The following ARHGAP24 variants were observed in gnomAD, a reference collection of about 807,000 sequenced individuals.
The protein encoded by ARHGAP24 is rho GTPase-activating protein 24.
In ARHGAP24, 50 loss-of-function variants were observed where a neutral mutation model predicts 76.4. The observed-to-expected ratio is 0.65, with a 90% CI of 0.52 to 0.83. ARHGAP24 has a LOEUF of 0.83. Among genes scored for constraint, ARHGAP24 ranks in the 40% least tolerant of loss-of-function variants. The pLI, the probability that ARHGAP24 is intolerant of heterozygous loss-of-function variation, is 0.00. For missense variants in ARHGAP24, 930 were observed against 914.2 expected (o/e 1.02, Z -0.22); for synonymous variants, 345 against 323.3 (o/e 1.07, Z -0.72).
At chr4:85,549,407 T>G (rs946800337) in intron 1 of ARHGAP24, among the ~76,000 whole-genome samples, 14 of 151,800 alleles carry the variant, frequency 9.2e-5, no homozygotes, top group African/African-American at 3.1e-4. Flanking sequence ...TGATATCTAA[T>G]GATGCTAGGA....
intron 2 of ARHGAP24, among the ~76,000 whole-genome samples, chr4:85,590,854 T>G (rs1333136740): frequency 1.3e-5 from 2 of 152,078 alleles, no homozygotes; most frequent in Non-Finnish European, 2.9e-5. Context: ...ATAAGGATCT[T>G]CACTTTTTAA....
intron 2 of ARHGAP24, among the ~76,000 whole-genome samples, chr4:85,717,208 A>G (rs938371177): frequency 6.6e-6 from 1 of 152,052 alleles, no homozygotes; most frequent in Non-Finnish European, 1.5e-5. Flanking sequence ...ACTCTTCTAG[A>G]TATAGAGAAA....
intron 3 of ARHGAP24, among the ~76,000 whole-genome samples, chr4:85,832,940 C>G (rs1440448411): frequency 6.6e-6 from 1 of 152,104 alleles, no homozygotes; most frequent in Non-Finnish European, 1.5e-5. Flanking sequence ...GTGGGCCTTT[C>G]TCTGTACCAT....
intron 2 of ARHGAP24, among the ~76,000 whole-genome samples, chr4:85,692,398 C>G (rs1242627759): frequency 6.6e-6 from 1 of 152,154 alleles, no homozygotes; most frequent in Admixed American, 6.5e-5. Context: ...AATTTTTGTG[C>G]ACTATATCCT....
At chr4:85,816,414 C>A (rs1729241428) in intron 3 of ARHGAP24, among the ~76,000 whole-genome samples, 1 of 152,144 alleles carries the variant, frequency 6.6e-6, no homozygotes, top group South Asian at 2.1e-4. Context: ...CTGTGCCTGG[C>A]TTATTTTACT....
At chr4:85,537,824 T>G (rs1725530671) in intron 1 of ARHGAP24, among the ~76,000 whole-genome samples, 1 of 152,220 alleles carries the variant, frequency 6.6e-6, no homozygotes, top group East Asian at 1.9e-4. Context: ...GTCATTCAAA[T>G]GTATTCAGAG....
chr4:85,519,527 A>G (rs117827675), intron 1 of ARHGAP24, among the ~76,000 whole-genome samples: 1,552 of 152,264 alleles, frequency 0.01, 12 homozygotes, highest in East Asian at 0.019. Flanking sequence ...GAGAGCTTGG[A>G]AGTGGGTGAG....
At chr4:85,956,537 C>T (rs1430940554) in intron 5 of ARHGAP24, among the ~76,000 whole-genome samples, 1 of 152,068 alleles carries the variant, frequency 6.6e-6, no homozygotes, top group Non-Finnish European at 1.5e-5. Context: ...CTCACGGATT[C>T]CAAGGAATGG....
At chr4:85,494,162 ATTTC>A (rs942636971) in intron 1 of ARHGAP24, among the ~76,000 whole-genome samples, 10 of 151,290 alleles carry the variant, frequency 6.6e-5, no homozygotes, top group African/African-American at 2.4e-4. Flanking sequence ...TTTTTTCTTT[ATTTC>A]TTCTAAAAAA....
intron 1 of ARHGAP24, among the ~76,000 whole-genome samples, chr4:85,547,975 T>C (rs996288774): frequency 2.6e-5 from 4 of 152,216 alleles, no homozygotes; most frequent in Admixed American, 1.3e-4. Flanking sequence ...ATGTCTCTCA[T>C]TTATTTATTT....
chr4:85,973,850 T>G (rs1209748989), intron 6 of ARHGAP24, among the ~76,000 whole-genome samples: 11 of 131,340 alleles, frequency 8.4e-5, no homozygotes, highest in East Asian at 4.4e-4. Flanking sequence ...TTTTTTTTTT[T>G]TTTTTTTTTT....
At chr4:85,698,608 G>A (rs1723957561) in intron 2 of ARHGAP24, among the ~76,000 whole-genome samples, 1 of 152,108 alleles carries the variant, frequency 6.6e-6, no homozygotes, top group African/African-American at 2.4e-5. Flanking sequence ...AGACCAGGTG[G>A]CTCAAACAAC....
chr4:85,931,978 G>C (rs886930620), intron 4 of ARHGAP24, among the ~76,000 whole-genome samples: 6 of 150,296 alleles, frequency 4.0e-5, no homozygotes, highest in African/African-American at 1.5e-4. Context: ...ATCTTCCCTA[G>C]TTAGTAACTA....
At chr4:85,548,705 G>C (rs890500157) in intron 1 of ARHGAP24, among the ~76,000 whole-genome samples, 1 of 152,168 alleles carries the variant, frequency 6.6e-6, no homozygotes, top group African/African-American at 2.4e-5. Context: ...TTTGTGCACA[G>C]ATATCAAGTG....
intron 2 of ARHGAP24, among the ~76,000 whole-genome samples, chr4:85,621,712 G>T (rs950580629): frequency 2.0e-5 from 3 of 152,010 alleles, no homozygotes; most frequent in Non-Finnish European, 4.4e-5. Flanking sequence ...CATTCTGTAG[G>T]TTATCTTTCT....
chr4:85,883,236 G>A (rs978363404), intron 3 of ARHGAP24, among the ~76,000 whole-genome samples: 8 of 152,226 alleles, frequency 5.3e-5, no homozygotes, highest in African/African-American at 1.9e-4. Context: ...TCAAAAGATG[G>A]AAGGGACACC....
chr4:85,856,993 T>C (rs975438222), intron 3 of ARHGAP24, among the ~76,000 whole-genome samples: 12 of 152,226 alleles, frequency 7.9e-5, no homozygotes, highest in African/African-American at 2.7e-4. Context: ...TCAAAATGTA[T>C]TTATTATTTC....
intron 2 of ARHGAP24, among the ~76,000 whole-genome samples, chr4:85,709,088 A>C (rs1444831589): frequency 6.6e-6 from 1 of 152,166 alleles, no homozygotes; most frequent in Non-Finnish European, 1.5e-5. Context: ...AGGATAGATA[A>C]ATAAATAGAA....
rs535706057 is a variant in ARHGAP24, at chr4:85,640,848, T to C, written c.180+70127T>C. Among the ~76,000 whole-genome samples, 21 of 152,258 alleles carry C rather than the reference T, an allele frequency of 1.4e-4. No individual in the cohort carries two copies. The East Asian group carries it at 2.9e-3, about 21-fold the overall frequency. ...CAAACAAAGGCCATAGAGTAACTTA[T>C]GTTAATTGAAGGATAATTCAAAAAG... is the stretch of plus-strand genomic sequence containing the variant. On this transcript the variant is annotated intron_variant, in intron 2 of 9. Coordinates refer to ENST00000395184, the MANE Select transcript of ARHGAP24 (RefSeq NM_001025616.3).
Sources: gnomAD v4.1 joint callset for allele counts (sites outside exome capture counted in the v4.1 genomes callset) on GRCh38, gnomAD v4.1.1 for gene constraint, MANE v1.5 for transcripts, NCBI Gene and HGNC (gene_info 2026-07-23, HGNC 2026-07-21) for gene names.